Variants in GLIS3 observed in about 807,000 individuals in gnomAD.
The protein encoded by GLIS3 is zinc finger protein GLIS3.
Under a neutral mutation model 78.6 loss-of-function variants are expected in GLIS3, and 53 were observed. That is an observed-to-expected ratio of 0.67 (90% confidence interval 0.54 to 0.85). The LOEUF (loss-of-function observed/expected upper bound fraction) is 0.85. Among genes scored for constraint, GLIS3 ranks in the 40% least tolerant of loss-of-function variants. The pLI is 0.00. For missense variants in GLIS3, 1,703 were observed against 1,231.1 expected (o/e 1.38, Z -5.74); for synonymous variants, 684 against 509.9 (o/e 1.34, Z -4.60).
At chr9:4,324,982 C>T (rs2130553981) in intron 2 of GLIS3, among the ~76,000 whole-genome samples, 1 of 152,118 alleles carries the variant, frequency 6.6e-6, no homozygotes, top group East Asian at 1.9e-4. Flanking sequence ...CAAATAGTTC[C>T]ATTTAATCCT....
chr9:3,885,302 C>A (rs572886334), intron 7 of GLIS3, among the ~76,000 whole-genome samples: 21 of 152,294 alleles, frequency 1.4e-4, no homozygotes, highest in African/African-American at 4.6e-4. Context: ...GGCTGAAAGG[C>A]CACCAGTTGT....
the GLIS3 span, among the ~76,000 whole-genome samples, chr9:4,369,878 G>A: frequency 6.6e-6 from 1 of 152,146 alleles, no homozygotes; most frequent in Non-Finnish European, 1.5e-5. Flanking sequence ...CGTGGTGAAT[G>A]GAGAGATAGC....
chr9:3,868,877 C>A (rs1189278116), intron 8 of GLIS3, among the ~76,000 whole-genome samples: 1 of 150,878 alleles, frequency 6.6e-6, no homozygotes, highest in Non-Finnish European at 1.5e-5. Context: ...AGTCTTCTTG[C>A]CTGTAGGCTA....
intron 2 of GLIS3, among the ~76,000 whole-genome samples, chr9:4,284,397 G>A (rs1007777541): frequency 6.6e-6 from 1 of 152,106 alleles, no homozygotes; most frequent in East Asian, 1.9e-4. Context: ...GCGCTAAAAG[G>A]CTTTATCGGG....
chr9:4,444,780 C>G, the GLIS3 span, among the ~76,000 whole-genome samples: 1 of 152,184 alleles, frequency 6.6e-6, no homozygotes, highest in Admixed American at 6.6e-5. Flanking sequence ...TTTGCTGCAT[C>G]TGGGGGTTGA....
At chr9:4,435,260 C>G in the GLIS3 span, among the ~76,000 whole-genome samples, 1 of 152,172 alleles carries the variant, frequency 6.6e-6, no homozygotes. Context: ...CTGTTTCATA[C>G]TCAGAATTAT....
intron 4 of GLIS3, among the ~76,000 whole-genome samples, chr9:4,075,213 T>A (rs1373541261): frequency 6.6e-6 from 1 of 152,062 alleles, no homozygotes; most frequent in African/African-American, 2.4e-5. Context: ...AATGTATACA[T>A]TAAATATGTG....
chr9:3,903,652 C>A (rs752745665), intron 6 of GLIS3, among the ~76,000 whole-genome samples: 2 of 152,120 alleles, frequency 1.3e-5, no homozygotes, highest in African/African-American at 4.8e-5. Context: ...AGAAATACAA[C>A]AGCAATCAAA....
At chr9:4,165,866 G>A (rs1408315586) in intron 2 of GLIS3, among the ~76,000 whole-genome samples, 1 of 152,248 alleles carries the variant, frequency 6.6e-6, no homozygotes. Flanking sequence ...GACAAGGATA[G>A]AACTCTGGGA....
chr9:4,446,457 T>C, the GLIS3 span, among the ~76,000 whole-genome samples: 1 of 151,992 alleles, frequency 6.6e-6, no homozygotes, highest in Non-Finnish European at 1.5e-5. Flanking sequence ...TGTAAGGTAG[T>C]TTGTTGTAGC....
intron 4 of GLIS3, among the ~76,000 whole-genome samples, chr9:3,983,992 G>A (rs145524667): frequency 6.6e-6 from 1 of 152,238 alleles, no homozygotes; most frequent in African/African-American, 2.4e-5. Flanking sequence ...GGGCATGTCA[G>A]AGGTCTTCAT....
At chr9:4,480,180 A>G in the GLIS3 span, among the ~76,000 whole-genome samples, 2 of 148,264 alleles carry the variant, frequency 1.3e-5, no homozygotes, top group Non-Finnish European at 3.0e-5. Flanking sequence ...CTGTGAGACA[A>G]GTTTTCCAGG....
At chr9:4,061,578 A>G (rs1404722338) in intron 4 of GLIS3, among the ~76,000 whole-genome samples, 2 of 152,188 alleles carry the variant, frequency 1.3e-5, no homozygotes, top group Non-Finnish European at 2.9e-5. Context: ...AAATGGTTTA[A>G]TTGGACACTT....
At chr9:4,477,818 C>T in the GLIS3 span, among the ~76,000 whole-genome samples, 2 of 152,012 alleles carry the variant, frequency 1.3e-5, no homozygotes, top group Non-Finnish European at 2.9e-5. Context: ...GTACTTAATG[C>T]CACCAAACTG....
At chr9:4,123,326 T>C (rs1164718581) in intron 3 of GLIS3, among the ~76,000 whole-genome samples, 1 of 152,196 alleles carries the variant, frequency 6.6e-6, no homozygotes, top group Non-Finnish European at 1.5e-5. Context: ...CTGGTTAGTT[T>C]ATAAATTGCT....
At chr9:3,852,894 G>A (rs1370385566) in intron 9 of GLIS3, among the ~76,000 whole-genome samples, 1 of 152,112 alleles carries the variant, frequency 6.6e-6, no homozygotes, top group Admixed American at 6.6e-5. Context: ...TGGCCATGGG[G>A]AATTTTTTAA....
At chr9:4,019,299 G>A (rs796081977) in intron 4 of GLIS3, among the ~76,000 whole-genome samples, 1 of 152,150 alleles carries the variant, frequency 6.6e-6, no homozygotes, top group Non-Finnish European at 1.5e-5. Context: ...TGGTGGCCCA[G>A]GAGGTTAAGT....
In GLIS3 at chr9:3,939,141, A is replaced by G. The variant is rs551304270; in HGVS notation, c.1711-1952T>C. Among the ~76,000 whole-genome samples the G allele has an allele frequency of 8.5e-5, 13 of 152,300 alleles. No individual in the cohort carries two copies. The South Asian group carries it at 2.7e-3, about 32-fold the overall frequency. On this transcript the variant is annotated intron_variant, in intron 4 of 10. Coordinates refer to ENST00000381971, the MANE Select transcript of GLIS3 (RefSeq NM_001042413.2). The stretch of plus-strand genomic sequence containing the variant: ...GGGCCAGCTCCCGGGGCACATACCC[A>G]AACCTGAGCAGGCCCCATATCCACT...
At chr9:4,156,423 AC>A (rs1193095395) in intron 2 of GLIS3, among the ~76,000 whole-genome samples, 1 of 152,050 alleles carries the variant, frequency 6.6e-6, no homozygotes, top group Non-Finnish European at 1.5e-5. Context: ...CTCCTTATCC[AC>A]CCAATACACA....
Sources: gnomAD v4.1 joint callset for allele counts (sites outside exome capture counted in the v4.1 genomes callset) on GRCh38, gnomAD v4.1.1 for gene constraint, MANE v1.5 for transcripts, NCBI Gene and HGNC (gene_info 2026-07-23, HGNC 2026-07-21) for gene names.